Variants in GPHN observed in about 807,000 individuals in gnomAD.
GPHN encodes gephyrin.
A neutral mutation model predicts 95.5 loss-of-function variants in GPHN; 17 were observed. That is an observed-to-expected ratio of 0.18 (90% confidence interval 0.12 to 0.27). GPHN has a LOEUF of 0.27. Ranked by LOEUF, GPHN falls within the 10% of genes least tolerant of loss-of-function variation. The pLI is 1.00. For missense variants in GPHN, 660 were observed against 978.1 expected (o/e 0.67, Z 4.34); for synonymous variants, 320 against 322.5 (o/e 0.99, Z 0.08).
chr14:67,355,867 G>A, the GPHN span, among the ~76,000 whole-genome samples: 1 of 151,956 alleles, frequency 6.6e-6, no homozygotes, highest in African/African-American at 2.4e-5. Context: ...GGGCATGGTA[G>A]GGCACACCGG....
At chr14:67,559,789 C>G in the GPHN span, 4 of 750,474 alleles carry the variant, frequency 5.3e-6, no homozygotes. Context: ...GGTGCCTCGG[C>G]TGACCTTCAT....
chr14:67,350,592 C>A, the GPHN span: 2 of 1,601,288 alleles, frequency 1.2e-6, no homozygotes, highest in Non-Finnish European at 1.7e-6. Context: ...CTTCAAAACA[C>A]CCCGTTTAGT....
intron 1 of GPHN, among the ~76,000 whole-genome samples, chr14:66,659,088 T>C (rs148739294): frequency 4.3e-4 from 65 of 152,168 alleles, no homozygotes; most frequent in African/African-American, 1.4e-3. Flanking sequence ...ATATTGTCCG[T>C]ATAGCACTAC....
intron 3 of GPHN, among the ~76,000 whole-genome samples, chr14:66,823,877 A>C (rs1025716294): frequency 6.6e-6 from 1 of 152,236 alleles, no homozygotes; most frequent in Non-Finnish European, 1.5e-5. Context: ...TACCAATGCA[A>C]GTATATGATT....
chr14:67,068,434 C>A (rs1270523768), intron 11 of GPHN, among the ~76,000 whole-genome samples: 1 of 152,188 alleles, frequency 6.6e-6, no homozygotes, highest in Non-Finnish European at 1.5e-5. Flanking sequence ...GTAAGACTAA[C>A]ATTTATGATT....
chr14:66,896,454 A>C (rs2153544318), intron 5 of GPHN, among the ~76,000 whole-genome samples: 2 of 152,128 alleles, frequency 1.3e-5, no homozygotes, highest in South Asian at 4.2e-4. Flanking sequence ...CTCTCTTTAC[A>C]AAAAGATACA....
intron 2 of GPHN, among the ~76,000 whole-genome samples, chr14:66,749,405 T>C (rs933360830): frequency 1.3e-5 from 2 of 151,966 alleles, no homozygotes; most frequent in Non-Finnish European, 2.9e-5. Flanking sequence ...TTTAGTTTTG[T>C]AAGAAACCAC....
the GPHN span, among the ~76,000 whole-genome samples, chr14:67,403,981 A>T: frequency 6.6e-6 from 1 of 152,190 alleles, no homozygotes; most frequent in Non-Finnish European, 1.5e-5. Context: ...TGAGCCTGGG[A>T]GGTCAAGGCT....
intron 2 of GPHN, among the ~76,000 whole-genome samples, chr14:66,691,790 A>G (rs978032517): frequency 4.6e-5 from 7 of 152,236 alleles, no homozygotes; most frequent in Non-Finnish European, 8.8e-5. Context: ...AAGATAGTGT[A>G]CACTGGGAGA....
At chr14:67,280,375 A>G in the GPHN span, among the ~76,000 whole-genome samples, 2 of 152,210 alleles carry the variant, frequency 1.3e-5, no homozygotes, top group African/African-American at 2.4e-5. Flanking sequence ...GAAAAAAGAT[A>G]TATTTCTACT....
rs1352590973 is a variant in GPHN, at chr14:67,038,583, A to C, written c.1006+14908A>C. On this transcript the variant is annotated intron_variant, in intron 10 of 22. Transcript: ENST00000478722. Reference sequence around the variant, plus strand: ...TGTGATGTGTATATGTTACCATTCTATGTGTAACAAGTGAATTACTGATTC... The same window carrying C: ...TGTGATGTGTATATGTTACCATTCTCTGTGTAACAAGTGAATTACTGATTC... 2.0e-5 allele frequency among the ~76,000 whole-genome samples: 3 copies of C among 152,084 alleles called. No homozygotes were observed. In the South Asian group the frequency reaches 6.2e-4, roughly 32 times the overall value.
At chr14:66,543,950 A>G (rs1312026091) in intron 1 of GPHN, among the ~76,000 whole-genome samples, 1 of 152,190 alleles carries the variant, frequency 6.6e-6, no homozygotes, top group Non-Finnish European at 1.5e-5. Flanking sequence ...ATATTTTACT[A>G]CTTTGCTGAG....
chr14:66,652,824 T>A (rs1186027660), intron 1 of GPHN, among the ~76,000 whole-genome samples: 2 of 152,062 alleles, frequency 1.3e-5, no homozygotes, highest in Non-Finnish European at 2.9e-5. Context: ...CTTTCTCCCA[T>A]CCCAGCAGTC....
Position 66,647,471 on chromosome 14 carries a change from C to T in GPHN, c.65-33636C>T, listed in dbSNP as rs58697459. Among the ~76,000 whole-genome samples, 290 of 151,728 alleles carry T rather than the reference C, an allele frequency of 1.9e-3. 1 individual carries two copies. Among genetic ancestry groups the T allele is most frequent in the African/African-American group, 5.9e-3 (246 of 41,372 alleles). ...ATTGAATATATAGCAATTCAAAATA[C>T]AGTAGTCCCTCCTTTTCTGCAAGGG... On this transcript the variant is annotated intron_variant, in intron 1 of 22. Coordinates refer to ENST00000478722, the MANE Select transcript of GPHN (RefSeq NM_020806.5).
chr14:67,564,002 C>T, the GPHN span, among the ~76,000 whole-genome samples: 36 of 150,972 alleles, frequency 2.4e-4, no homozygotes, highest in Non-Finnish European at 5.9e-5. Context: ...CCCAGTTTCA[C>T]GCCATTTTCC....
At chr14:66,897,148 G>A (rs530456420) in intron 5 of GPHN, among the ~76,000 whole-genome samples, 8 of 152,170 alleles carry the variant, frequency 5.3e-5, no homozygotes, top group Non-Finnish European at 1.0e-4. Context: ...TTTTCCAGTG[G>A]TAACATCTTA....
At chr14:67,591,627 G>A in the GPHN span, among the ~76,000 whole-genome samples, 1 of 152,100 alleles carries the variant, frequency 6.6e-6, no homozygotes, top group Admixed American at 6.5e-5. Context: ...GACCTCCTGG[G>A]CTCAAGCAAT....
the GPHN span, among the ~76,000 whole-genome samples, chr14:67,208,721 C>A: frequency 6.6e-5 from 10 of 151,926 alleles, no homozygotes; most frequent in Non-Finnish European, 1.5e-4. Context: ...GATGGTGAAA[C>A]CCTGTCTCTA....
the GPHN span, among the ~76,000 whole-genome samples, chr14:67,661,529 CTTTTTTTT>C: frequency 9.1e-6 from 1 of 110,076 alleles, no homozygotes; most frequent in Admixed American, 1.0e-4. Flanking sequence ...GAACAGTAAC[CTTTTTTTT>C]TTTTTTTTTT....
Sources: gnomAD v4.1 joint callset for allele counts (sites outside exome capture counted in the v4.1 genomes callset) on GRCh38, gnomAD v4.1.1 for gene constraint, MANE v1.5 for transcripts, NCBI Gene and HGNC (gene_info 2026-07-23, HGNC 2026-07-21) for gene names.